The following DMBT1 variants were observed in gnomAD, a reference collection of about 807,000 sequenced individuals.
DMBT1 encodes deleted in malignant brain tumors 1, also known as scavenger receptor cysteine-rich domain-containing protein DMBT1.
Under a neutral mutation model 252.9 loss-of-function variants are expected in DMBT1, and 198 were observed. The ratio of observed to expected loss-of-function variants is 0.78; its 90% CI spans 0.70 to 0.88. DMBT1 has a LOEUF of 0.88. DMBT1 is among the 40% of genes least tolerant of loss of function. The pLI is 0.00. For synonymous variants in DMBT1, 990 were observed against 942.7 expected, an observed-to-expected ratio of 1.05 and a Z score of -0.92; for missense variants, 2,432 against 2,404.7, an observed-to-expected ratio of 1.01 and a Z score of -0.24.
rs755362415 is a variant in DMBT1 at position 122,585,294 on chromosome 10, C to A, written c.1444C>A (p.Pro482Thr). 1.3e-6 allele frequency: 2 copies of A among 1,586,898 alleles called. No individual in the cohort carries two copies. The highest frequency in any genetic ancestry group is 2.3e-5 in the South Asian group (2 of 86,876). The change falls in exon 15 of 56, where the codon CCT becomes ACT. Residue 482 changes from proline to threonine, a missense_variant. Around this residue, in one of 3 missense-constraint regions of DMBT1, gnomAD observed 1,264 missense variants for 1,082.2 expected, o/e 1.17. Transcript: ENST00000338354. Reference protein sequence around the residue: ...SPDTLPTITLPASTVGSESSL... With the variant: ...SPDTLPTITLTASTVGSESSL... ...AGACACGTTGCCGACCATCACCTTACCTGCATCGACAGTAGGTAAATAATC... is the reference window on the plus strand; with the variant it reads ...AGACACGTTGCCGACCATCACCTTAACTGCATCGACAGTAGGTAAATAATC...
At chr10:122,591,921 C>A (rs1177897913) in intron 19 of DMBT1, among the ~76,000 whole-genome samples, 1 of 149,042 alleles carries the variant, frequency 6.7e-6, no homozygotes, top group Non-Finnish European at 1.5e-5. Context: ...CAGAGAGGAC[C>A]ACGTGGGTGC....
chr10:122,633,587 C>A (rs1224096525), intron 52 of DMBT1, among the ~76,000 whole-genome samples: 1 of 152,200 alleles, frequency 6.6e-6, no homozygotes, highest in African/African-American at 2.4e-5. Flanking sequence ...GCTCTGGTTT[C>A]AAGTCCTAGG....
At position 122,580,850 on chromosome 10, in the gene DMBT1, C is replaced by G. The variant is rs1565658135; in HGVS notation, c.1004-16C>G. 6.2e-7 allele frequency: 1 copy of G among 1,613,800 alleles called. No homozygotes were observed. The highest frequency in any genetic ancestry group is 1.7e-5 in the Admixed American group (1 of 59,990). ...TGTAATGTTCCTGATCTGACCTTCT[C>G]TTCTCTTTCTCACAGCTCCCCAGTC... On this transcript the variant is annotated splice_polypyrimidine_tract_variant and intron_variant, in intron 10 of 55. Transcript: ENST00000338354.
intron 54 of DMBT1, 61 bp from the exon 55 acceptor site, chr10:122,639,979 T>A (rs1844235702): frequency 2.1e-5 from 33 of 1,561,218 alleles, no homozygotes; most frequent in Non-Finnish European, 3.5e-6. Flanking sequence ...CCAAATCAGC[T>A]ATGGGATTCC....
At position 122,572,323 on chromosome 10, in the gene DMBT1, T is replaced by C; in HGVS notation, c.197T>C (p.Ile66Thr). 6.2e-7 allele frequency: 1 copy of C among 1,613,302 alleles called. No homozygotes were observed. Among genetic ancestry groups the C allele is most frequent in the Non-Finnish European group, 8.5e-7 (1 of 1,179,398 alleles). The change falls in exon 5 of 56, where the codon ATT (isoleucine) becomes ACT (threonine). Residue 66 changes from isoleucine to threonine, a missense_variant. Physicochemically the swap from Ile to Thr is moderately conservative, Grantham distance 89 (BLOSUM62 -1). Coordinates refer to ENST00000338354, the MANE Select transcript of DMBT1 (RefSeq NM_001377530.1). ...LESTVAEGSPISLESTLESTV... is the reference protein window; with the variant it reads ...LESTVAEGSPTSLESTLESTV... ...TTTCTCCACCCTGCAGGTTCTCCGA[T>C]TTCCTTGGAGTCAACCCTGGAGTCA...
intron 46 of DMBT1, among the ~76,000 whole-genome samples, chr10:122,627,327 C>T (rs912157069): frequency 6.6e-6 from 1 of 152,052 alleles, no homozygotes; most frequent in African/African-American, 2.4e-5. Context: ...TTTTGGCATA[C>T]ATTCCATACA....
At chr10:122,626,010 T>C (rs2098116463) in intron 46 of DMBT1, 45 bp downstream of exon 46, 1 of 1,545,544 alleles carries the variant, frequency 6.5e-7, no homozygotes, top group East Asian at 2.2e-5. Context: ...ATACATTTCT[T>C]ATCCCCAAGC....
intron 46 of DMBT1, among the ~76,000 whole-genome samples, chr10:122,629,634 A>G (rs2098143499): frequency 1.3e-5 from 2 of 152,236 alleles, no homozygotes; most frequent in Admixed American, 1.3e-4. Context: ...GTCCAGGCCT[A>G]ACAGGGAAAG....
chr10:122,634,464 C>A (rs868855505), intron 52 of DMBT1, among the ~76,000 whole-genome samples: 9 of 88,196 alleles, frequency 1.0e-4, no homozygotes, highest in Non-Finnish European at 1.7e-4. Flanking sequence ...CTCTCTCTCT[C>A]TCTCTCTCTC....
intron 1 of DMBT1, 98 bp downstream of exon 1, chr10:122,560,929 T>C: frequency 1.1e-6 from 1 of 880,972 alleles, no homozygotes; most frequent in South Asian, 1.7e-5. Flanking sequence ...AAGTTTTATA[T>C]CAAAGAGTGG....
intron 3 of DMBT1, among the ~76,000 whole-genome samples, chr10:122,570,414 G>C (rs999011738): frequency 6.6e-6 from 1 of 152,206 alleles, no homozygotes; most frequent in Non-Finnish European, 1.5e-5. Context: ...AAGGGGGCAT[G>C]GTCCTCCATG....
At chr10:122,634,417 C>CTTT (rs2098199902) in intron 52 of DMBT1, among the ~76,000 whole-genome samples, 4 of 84,752 alleles carry the variant, frequency 4.7e-5, no homozygotes, top group Non-Finnish European at 8.7e-5. Flanking sequence ...TTCTTTCTCT[C>CTTT]TCTCTCTCTC....
In DMBT1 at chr10:122,592,439, G is replaced by T. The variant is rs1234667830; in HGVS notation, c.2344G>T (p.Ala782Ser). 6.3e-7 allele frequency: 1 copy of T among 1,588,280 alleles called. No homozygotes were observed. Among genetic ancestry groups the T allele is most frequent in the Admixed American group, 1.7e-5 (1 of 59,516 alleles). Reference sequence around the variant, plus strand: ...GCTGGGCTGTGGCTGGGCCACGTCGGCCCCAGGAAATGCCCGGTTTGGCCA... The same window carrying T: ...GCTGGGCTGTGGCTGGGCCACGTCGTCCCCAGGAAATGCCCGGTTTGGCCA... ...RQLGCGWATS[A>S]PGNARFGQGS... The change falls in exon 20 of 56, where the codon GCC becomes TCC. Residue 782 changes from alanine to serine, a missense_variant. Around this residue, in one of 3 missense-constraint regions of DMBT1, gnomAD observed 1,264 missense variants for 1,082.2 expected, o/e 1.17. Coordinates refer to ENST00000338354, the MANE Select transcript of DMBT1 (RefSeq NM_001377530.1).
chr10:122,600,601 T>G (rs989029354), intron 27 of DMBT1, among the ~76,000 whole-genome samples: 4 of 152,160 alleles, frequency 2.6e-5, no homozygotes, highest in Non-Finnish European at 5.9e-5. Flanking sequence ...TGTCACTGCT[T>G]AACCAGAAAC....
rs557026873 is a variant in DMBT1, at chr10:122,643,316, G to T, written c.7547G>T (p.Gly2516Val). 14 of 1,613,910 alleles carry T rather than the reference G, an allele frequency of 8.7e-6. No homozygotes were observed. Among genetic ancestry groups the T allele is most frequent in the Non-Finnish European group, 1.1e-5 (13 of 1,179,864 alleles). ...GTGTTGAGGTCGAAGAGGGATGTGGGCTCCTACCAGGAAAAGGTGGACGTC... is the reference window on the plus strand; with the variant it reads ...GTGTTGAGGTCGAAGAGGGATGTGGTCTCCTACCAGGAAAAGGTGGACGTC... ...GCVLRSKRDV[G>V]SYQEKVDVVL... The change falls in exon 56 of 56, where the codon GGC becomes GTC. Residue 2516 changes from glycine to valine, a missense_variant. Physicochemically the swap from Gly to Val is moderately radical, Grantham distance 109. Around this residue, in one of 3 missense-constraint regions of DMBT1, gnomAD observed 1,162 missense variants for 1,169.0 expected, o/e 0.99. Coordinates refer to ENST00000338354, the MANE Select transcript of DMBT1 (RefSeq NM_001377530.1).
At chr10:122,634,428 TCTTCTCTCTCTCTCTCTCTCTCTCTC>T (rs1566006409) in intron 52 of DMBT1, among the ~76,000 whole-genome samples, 3 of 78,370 alleles carry the variant, frequency 3.8e-5, no homozygotes, top group African/African-American at 1.8e-4. Flanking sequence ...TCTCTCTCTC[TCTTCTCTCTCTCTCTCTCTCTCTCTC>T]TCTCTCTCTC....
intron 40 of DMBT1, 105 bp from the exon 41 acceptor site, chr10:122,617,912 G>T (rs1392171367): frequency 6.4e-7 from 1 of 1,552,108 alleles, no homozygotes; most frequent in Admixed American, 1.8e-5. Context: ...GTGACTGCTT[G>T]CCCAGGTGAC....
chr10:122,586,530 A>C, intron 16 of DMBT1, 147 bp downstream of exon 16: 1 of 1,328,716 alleles, frequency 7.5e-7, no homozygotes, highest in Non-Finnish European at 1.0e-6. Flanking sequence ...AAACCGCATG[A>C]GTCTTCACCA....
chr10:122,631,935 C>T (rs2098168536), intron 50 of DMBT1, 60 bp downstream of exon 50: 2 of 1,569,868 alleles, frequency 1.3e-6, no homozygotes, highest in Admixed American at 1.7e-5. Context: ...ATTACTGCTG[C>T]CTAGACTGTG....
Sources: gnomAD v4.1 joint callset for allele counts (sites outside exome capture counted in the v4.1 genomes callset) on GRCh38, gnomAD v4.1.1 for gene constraint, gnomAD v4.1.1 regional missense constraint, MANE v1.5 for transcripts, NCBI Gene and HGNC (gene_info 2026-07-23, HGNC 2026-07-21) for gene names.